The following GUCY1A2 variants were observed in gnomAD, a reference collection of about 807,000 sequenced individuals.
The protein encoded by GUCY1A2 is guanylate cyclase soluble subunit alpha-2.
In GUCY1A2, 27 loss-of-function variants were observed where a neutral mutation model predicts 63.5. That is an observed-to-expected ratio of 0.43 (90% CI 0.31 to 0.59). The LOEUF is 0.59. Ranked by LOEUF, GUCY1A2 falls within the 20% of genes least tolerant of loss-of-function variation. The pLI is 0.11. For missense variants in GUCY1A2, 768 were observed against 913.3 expected, an observed-to-expected ratio of 0.84 and a Z score of 2.05; for synonymous variants, 364 against 343.5, an observed-to-expected ratio of 1.06 and a Z score of -0.66.
chr11:106,996,950 G>A (rs746089208), intron 1 of GUCY1A2, among the ~76,000 whole-genome samples: 3 of 152,210 alleles, frequency 2.0e-5, no homozygotes, highest in Non-Finnish European at 4.4e-5. Context: ...CACATCATCA[G>A]TGTCTATGAT....
At chr11:106,850,799 A>G (rs988515552) in intron 4 of GUCY1A2, among the ~76,000 whole-genome samples, 1 of 151,920 alleles carries the variant, frequency 6.6e-6, no homozygotes, top group African/African-American at 2.4e-5. Flanking sequence ...GCTGTAATAA[A>G]CATGTGAGTG....
rs76507363 is a variant in GUCY1A2, at chr11:107,015,418, T to C, written c.303+2335A>G. 7.3e-3 allele frequency among the ~76,000 whole-genome samples: 1,108 copies of C among 152,178 alleles called. 11 individuals are homozygous for C. The highest frequency in any genetic ancestry group is 0.026 in the African/African-American group (1,064 of 41,532). On this transcript the variant is annotated intron_variant, in intron 1 of 7. Coordinates refer to ENST00000526355, the MANE Select transcript of GUCY1A2 (RefSeq NM_000855.3). ...AAGTAACCATCAGAGACTATTTCCT[T>C]CCTCTTATTCTAGCAGAAAATACTG...
intron 1 of GUCY1A2, among the ~76,000 whole-genome samples, chr11:106,999,561 A>C (rs115034897): frequency 6.6e-6 from 1 of 152,316 alleles, no homozygotes; most frequent in Admixed American, 6.5e-5. Flanking sequence ...CTAATGGCCA[A>C]AATGTGTTGG....
At chr11:106,840,188 G>A (rs1859177211) in intron 4 of GUCY1A2, among the ~76,000 whole-genome samples, 1 of 151,754 alleles carries the variant, frequency 6.6e-6, no homozygotes, top group Non-Finnish European at 1.5e-5. Flanking sequence ...TGATGATATT[G>A]TTATTGGAAG....
intron 4 of GUCY1A2, among the ~76,000 whole-genome samples, chr11:106,825,299 AAT>A (rs1422577928): frequency 6.6e-6 from 1 of 152,094 alleles, no homozygotes; most frequent in South Asian, 2.1e-4. Flanking sequence ...TTTTGAAAGC[AAT>A]ATTATACTGA....
chr11:106,981,626 C>T (rs778193683), intron 2 of GUCY1A2, among the ~76,000 whole-genome samples: 5 of 151,980 alleles, frequency 3.3e-5, no homozygotes, highest in Non-Finnish European at 7.4e-5. Flanking sequence ...ATCTGTGCTT[C>T]GTCTACCCTG....
chr11:106,996,135 G>C (rs1486320504), intron 1 of GUCY1A2, among the ~76,000 whole-genome samples: 1 of 152,156 alleles, frequency 6.6e-6, no homozygotes, highest in Non-Finnish European at 1.5e-5. Context: ...GCATGCCTGG[G>C]TTTCACTCCA....
intron 4 of GUCY1A2, among the ~76,000 whole-genome samples, chr11:106,860,597 T>A (rs1398476728): frequency 6.6e-6 from 1 of 151,936 alleles, no homozygotes; most frequent in Non-Finnish European, 1.5e-5. Flanking sequence ...TTCAACTATG[T>A]ATAAAGAGAG....
chr11:106,758,924 G>A (rs1434528487), intron 6 of GUCY1A2, among the ~76,000 whole-genome samples: 5 of 152,144 alleles, frequency 3.3e-5, no homozygotes, highest in African/African-American at 1.2e-4. Flanking sequence ...TAGTGTTGGG[G>A]AGGGGTGTGG....
At chr11:106,942,345 T>C (rs1437725417) in intron 3 of GUCY1A2, among the ~76,000 whole-genome samples, 1 of 152,156 alleles carries the variant, frequency 6.6e-6, no homozygotes, top group East Asian at 1.9e-4. Flanking sequence ...AAAACTTCTT[T>C]CTATGCCAAA....
chr11:106,800,918 C>T (rs186394496), intron 5 of GUCY1A2, among the ~76,000 whole-genome samples: 1 of 151,826 alleles, frequency 6.6e-6, no homozygotes, highest in Admixed American at 6.6e-5. Context: ...AATCAGGGGA[C>T]CTACTGAAAG....
intron 6 of GUCY1A2, among the ~76,000 whole-genome samples, chr11:106,709,879 A>G (rs1307452336): frequency 7.2e-6 from 1 of 138,314 alleles, no homozygotes; most frequent in Non-Finnish European, 1.5e-5. Context: ...TAGAATATAT[A>G]GTTATATATT....
intron 7 of GUCY1A2, among the ~76,000 whole-genome samples, chr11:106,697,082 A>G (rs1862733518): frequency 6.6e-6 from 1 of 152,228 alleles, no homozygotes; most frequent in East Asian, 1.9e-4. Flanking sequence ...TTCAGTTTAT[A>G]GAGGATCATA....
chr11:106,881,350 A>G (rs941799288), intron 4 of GUCY1A2, among the ~76,000 whole-genome samples: 6 of 152,218 alleles, frequency 3.9e-5, no homozygotes, highest in Non-Finnish European at 5.9e-5. Flanking sequence ...GCCATAACTC[A>G]GTAAAGCTCT....
At chr11:106,703,066 G>C (rs981211200) in intron 7 of GUCY1A2, among the ~76,000 whole-genome samples, 1 of 152,104 alleles carries the variant, frequency 6.6e-6, no homozygotes, top group Non-Finnish European at 1.5e-5. Flanking sequence ...CCAGGCAGAA[G>C]AACATGGAAA....
At chr11:107,011,376 G>A (rs12808033) in intron 1 of GUCY1A2, among the ~76,000 whole-genome samples, 2 of 151,488 alleles carry the variant, frequency 1.3e-5, no homozygotes, top group African/African-American at 2.4e-5. Context: ...GGACAAAAAG[G>A]TGAACAAAAA....
chr11:106,908,046 G>C (rs2119852266), intron 4 of GUCY1A2, among the ~76,000 whole-genome samples: 1 of 152,180 alleles, frequency 6.6e-6, no homozygotes, highest in East Asian at 1.9e-4. Context: ...TTCAGTGTTA[G>C]TAGTATAACA....
chr11:106,841,641 A>T (rs1292705244), intron 4 of GUCY1A2, among the ~76,000 whole-genome samples: 2 of 151,944 alleles, frequency 1.3e-5, no homozygotes, highest in East Asian at 3.9e-4. Context: ...TGCCTACAAA[A>T]GGGTATGTGC....
intron 1 of GUCY1A2, among the ~76,000 whole-genome samples, chr11:107,007,132 T>C (rs1440314099): frequency 6.6e-6 from 1 of 151,820 alleles, no homozygotes; most frequent in Non-Finnish European, 1.5e-5. Context: ...TAAAAAAAAA[T>C]GCATGAATGA....
Sources: allele counts gnomAD v4.1 joint callset (sites outside exome capture counted in the v4.1 genomes callset), GRCh38; gene constraint gnomAD v4.1.1; transcripts MANE v1.5; gene names NCBI Gene and HGNC (gene_info 2026-07-23, HGNC 2026-07-21).